Variants in RPH3A observed in about 807,000 individuals in gnomAD.
The protein encoded by RPH3A is rabphilin-3A.
Under a neutral mutation model 102.2 loss-of-function variants are expected in RPH3A, and 48 were observed. That is an observed-to-expected ratio of 0.47 (90% confidence interval 0.37 to 0.60). RPH3A has a LOEUF of 0.60. RPH3A is among the 20% of genes least tolerant of loss of function. The probability of loss-of-function intolerance (pLI) is 0.00; values close to 1 mark genes in which losing one functional copy is unlikely to be tolerated. For synonymous variants in RPH3A, 310 were observed against 324.3 expected (o/e 0.96, Z 0.47); for missense variants, 781 against 910.1 (o/e 0.86, Z 1.83).
chr12:112,699,831 C>G (rs1376975377), intron 1 of RPH3A, among the ~76,000 whole-genome samples: 2 of 152,186 alleles, frequency 1.3e-5, no homozygotes, highest in East Asian at 3.8e-4. Flanking sequence ...TCTACATACA[C>G]TTCTAGGAGC....
At chr12:112,838,507 C>T (rs2042091541) in intron 4 of RPH3A, among the ~76,000 whole-genome samples, 1 of 152,160 alleles carries the variant, frequency 6.6e-6, no homozygotes, top group African/African-American at 2.4e-5. Flanking sequence ...ATTAAAATCC[C>T]ATTCACTGTG....
At chr12:112,781,501 C>T (rs561114326) in intron 1 of RPH3A, among the ~76,000 whole-genome samples, 19 of 152,204 alleles carry the variant, frequency 1.2e-4, no homozygotes, top group East Asian at 3.9e-4. Flanking sequence ...CTGTGTGGTT[C>T]GGGACCATGA....
At chr12:112,641,297 A>G (rs1450454074) in intron 1 of RPH3A, among the ~76,000 whole-genome samples, 1 of 152,200 alleles carries the variant, frequency 6.6e-6, no homozygotes, top group Non-Finnish European at 1.5e-5. Context: ...GATCCTAGCT[A>G]TTGCTTGGTA....
In RPH3A at chr12:112,883,307, T is replaced by C; in HGVS notation, c.1341T>C (p.Arg447=). Residue 447 remains arginine (R), a synonymous_variant, in exon 16 of 22, where the codon CGT becomes CGC. Coordinates refer to ENST00000389385, the MANE Select transcript of RPH3A (RefSeq NM_001143854.2). ...TCGGGCTCTAGTCCAACAAGCTTCG[T>C]ACAAAAACTCTGCGGAATACCCGGA... ...LPGASKSNKL[R]TKTLRNTRNP... 1 of 1,614,014 alleles carries C rather than the reference T, an allele frequency of 6.2e-7. No individual in the cohort carries two copies. The highest frequency in any genetic ancestry group is 8.5e-7 in the Non-Finnish European group (1 of 1,179,954).
At chr12:112,584,686 G>C (rs2039425907) in intron 1 of RPH3A, among the ~76,000 whole-genome samples, 1 of 152,172 alleles carries the variant, frequency 6.6e-6, no homozygotes, top group Non-Finnish European at 1.5e-5. Context: ...ATTAAGGATG[G>C]AGCTTTAAAT....
intron 2 of RPH3A, among the ~76,000 whole-genome samples, chr12:112,792,912 AGAG>A (rs2041152563): frequency 6.6e-6 from 1 of 152,226 alleles, no homozygotes; most frequent in Non-Finnish European, 1.5e-5. Context: ...CACTGCCTGC[AGAG>A]GAGATGATGT....
intron 1 of RPH3A, among the ~76,000 whole-genome samples, chr12:112,687,764 A>C (rs908707013): frequency 6.6e-6 from 1 of 152,178 alleles, no homozygotes; most frequent in African/African-American, 2.4e-5. Flanking sequence ...TCTGAGTGAC[A>C]CTAGGTGACC....
intron 1 of RPH3A, among the ~76,000 whole-genome samples, chr12:112,686,844 AG>A (rs1364820369): frequency 6.6e-6 from 1 of 152,234 alleles, no homozygotes; most frequent in African/African-American, 2.4e-5. Flanking sequence ...TGAATTATAA[AG>A]GGATGGCTGG....
chr12:112,785,493 C>T (rs1343991040), intron 1 of RPH3A, among the ~76,000 whole-genome samples: 1 of 152,118 alleles, frequency 6.6e-6, no homozygotes, highest in African/African-American at 2.4e-5. Flanking sequence ...TTTTGGATCT[C>T]AGCACAATGT....
At chr12:112,886,542 T>A (rs2043004707) in intron 16 of RPH3A, among the ~76,000 whole-genome samples, 1 of 152,146 alleles carries the variant, frequency 6.6e-6, no homozygotes, top group Admixed American at 6.6e-5. Flanking sequence ...GCTCACCTGC[T>A]GCTCACCTCC....
intron 5 of RPH3A, among the ~76,000 whole-genome samples, chr12:112,849,222 G>A (rs2042281571): frequency 6.6e-6 from 1 of 152,200 alleles, no homozygotes; most frequent in South Asian, 2.1e-4. Flanking sequence ...TAGGGAAATA[G>A]GGGGTGTTGT....
At chr12:112,882,293 C>T (rs2042928080) in intron 15 of RPH3A, among the ~76,000 whole-genome samples, 1 of 152,148 alleles carries the variant, frequency 6.6e-6, no homozygotes, top group Non-Finnish European at 1.5e-5. Context: ...GGCCCTCCCA[C>T]CCTTCTCTCC....
intron 2 of RPH3A, among the ~76,000 whole-genome samples, chr12:112,808,916 C>T (rs751832276): frequency 1.3e-5 from 2 of 152,138 alleles, no homozygotes; most frequent in Non-Finnish European, 2.9e-5. Flanking sequence ...TCGGCCCTGG[C>T]TGTGCATTAT....
chr12:112,703,409 C>A (rs1239447955), intron 1 of RPH3A, among the ~76,000 whole-genome samples: 2 of 152,208 alleles, frequency 1.3e-5, no homozygotes, highest in Non-Finnish European at 2.9e-5. Context: ...GATTCCCCAA[C>A]TTTTAGGCTA....
rs35810360 is a variant in RPH3A at position 112,614,688 on chromosome 12, C to CAAAA, written c.-140+39395_-140+39398dup. Among the ~76,000 whole-genome samples the CAAAA allele has an allele frequency of 3.1e-3, 83 of 27,130 alleles. 2 individuals are homozygous for CAAAA. The highest frequency in any genetic ancestry group is 8.0e-3 in the African/African-American group (54 of 6,770). The allele number at this position is 27,130 out of a possible 152,430, so 17.8% of individuals were successfully genotyped here. Reference sequence around the variant, plus strand: ...GAGGGACAGGAGTGAGACCCTGCCTCAAAAAAAAAAAAAAAAAAAAAAAAA... The same window carrying CAAAA: ...GAGGGACAGGAGTGAGACCCTGCCTCAAAAAAAAAAAAAAAAAAAAAAAAAAAAA... On this transcript the variant is annotated intron_variant, in intron 1 of 21. Transcript: ENST00000543106.
At chr12:112,836,556 C>G (rs2042054596) in intron 4 of RPH3A, 54 bp downstream of exon 4, 3 of 926,318 alleles carry the variant, frequency 3.2e-6, no homozygotes, top group African/African-American at 3.4e-5. Context: ...TATTTTATCT[C>G]TTTCTCTGAT....
intron 1 of RPH3A, among the ~76,000 whole-genome samples, chr12:112,700,309 T>C (rs2040384189): frequency 6.6e-6 from 1 of 152,174 alleles, no homozygotes; most frequent in Non-Finnish European, 1.5e-5. Context: ...CCTCAAGTGA[T>C]CCACCCACCT....
chr12:112,869,916 G>T lies in RPH3A; in HGVS notation c.673G>T (p.Gly225Trp), dbSNP rs139152687. The T allele has an allele frequency of 6.2e-7, 1 of 1,613,844 alleles. No homozygotes were observed. Among genetic ancestry groups the T allele is most frequent in the Non-Finnish European group, 8.5e-7 (1 of 1,179,972 alleles). ...KTGPDPASAP[G>W]RGNYGPPVRR... The stretch of plus-strand genomic sequence containing the variant: ...AGGCCCTGACCCAGCCTCTGCTCCC[G>T]GGCGAGGAAACTATGGGCCTCCCGT... The change falls in exon 10 of 22, where the codon GGG (glycine) becomes TGG (tryptophan). Residue 225 changes from glycine to tryptophan, a missense_variant. Around this residue, in one of 2 missense-constraint regions of RPH3A, gnomAD observed 730 missense variants for 810.0 expected, o/e 0.90. Transcript: ENST00000389385.
chr12:112,740,933 G>A (rs1218555642), intron 1 of RPH3A, among the ~76,000 whole-genome samples: 1 of 152,162 alleles, frequency 6.6e-6, no homozygotes, highest in African/African-American at 2.4e-5. Flanking sequence ...ATTGTAGGAT[G>A]TCCAGTGCCT....
Sources: allele counts gnomAD v4.1 joint callset (sites outside exome capture counted in the v4.1 genomes callset), GRCh38; gene constraint gnomAD v4.1.1; regional missense constraint gnomAD v4.1.1; transcripts MANE v1.5; gene names NCBI Gene and HGNC (gene_info 2026-07-23, HGNC 2026-07-21).